AGO2: variants seen among roughly 807,000 people sequenced by gnomAD.
AGO2 encodes argonaute RISC catalytic component 2, also known as protein argonaute-2.
Under a neutral mutation model 102.3 loss-of-function variants are expected in AGO2, and 5 were observed. The observed-to-expected ratio is 0.05, with a 90% CI of 0.03 to 0.10. The LOEUF is 0.10. AGO2 is among the 10% of genes least tolerant of loss of function. The probability of loss-of-function intolerance (pLI) is 1.00; values close to 1 mark genes in which losing one functional copy is unlikely to be tolerated. For synonymous variants in AGO2, 449 were observed against 473.1 expected (o/e 0.95, Z 0.66); for missense variants, 541 against 1,183.7 (o/e 0.46, Z 7.97).
chr8:140,598,980 C>A (rs1277596246), intron 1 of AGO2, among the ~76,000 whole-genome samples: 1 of 152,202 alleles, frequency 6.6e-6, no homozygotes, highest in Non-Finnish European at 1.5e-5. Context: ...CCAAACCCAG[C>A]TCTCCCTCGA....
At chr8:140,552,607 G>T (rs1230450242) in intron 10 of AGO2, among the ~76,000 whole-genome samples, 2 of 152,088 alleles carry the variant, frequency 1.3e-5, no homozygotes, top group Admixed American at 1.3e-4. Context: ...TATAACTACT[G>T]CCTGTTCCCA....
intron 1 of AGO2, among the ~76,000 whole-genome samples, chr8:140,596,824 G>A (rs560001064): frequency 7.0e-4 from 107 of 152,266 alleles, no homozygotes; most frequent in Non-Finnish European, 6.2e-4. Context: ...GGCCGGGGTG[G>A]GGGACGGGCC....
chr8:140,588,432 A>AT, intron 1 of AGO2, among the ~76,000 whole-genome samples: 1 of 152,182 alleles, frequency 6.6e-6, no homozygotes, highest in South Asian at 2.1e-4. Flanking sequence ...TGTGTAAATA[A>AT]TGTACATATC....
In AGO2 at chr8:140,521,844, G is replaced by A. The variant is rs2072420933; in HGVS notation, c.*10200C>T. ...TCTTAGAAAATGTGCCAGAGGAAGA[G>A]GGGGCATGAATGGCTAGAAAAGCAA... On this transcript the variant is annotated 3_prime_UTR_variant, in exon 19 of 19. Transcript: ENST00000220592. 6.6e-6 allele frequency: 1 copy of A among 152,238 alleles called. No individual in the cohort carries two copies. The highest frequency in any genetic ancestry group is 1.5e-5 in the Non-Finnish European group (1 of 68,034). 9.4% of individuals were successfully genotyped at this position (152,238 alleles called of 1,614,324 possible). A position where few individuals can be genotyped will look rare whatever the true frequency, so the allele number is the denominator to read the frequency against.
rs1180106198 is a variant in AGO2 at position 140,526,320 on chromosome 8, T to C, written c.*5724A>G. 1 of 152,194 alleles carries C rather than the reference T, an allele frequency of 6.6e-6. No homozygotes were observed. Among genetic ancestry groups the C allele is most frequent in the African/African-American group, 2.4e-5 (1 of 41,454 alleles). 9.4% of individuals were successfully genotyped at this position (152,194 alleles called of 1,614,324 possible). On this transcript the variant is annotated 3_prime_UTR_variant, in exon 19 of 19. Transcript: ENST00000220592. The surrounding 1 kb of genome is among the most constrained non-coding windows in gnomAD (Gnocchi z 5.2). ...GCAGGACACAGGCTGTTTCAAGATTTTGCCACACCTGCGCAGGCTCCTGCC... is the reference window on the plus strand; with the variant it reads ...GCAGGACACAGGCTGTTTCAAGATTCTGCCACACCTGCGCAGGCTCCTGCC...
intron 1 of AGO2, among the ~76,000 whole-genome samples, chr8:140,595,665 T>TTATA (rs1435554654): frequency 1.5e-5 from 2 of 134,286 alleles, no homozygotes; most frequent in African/African-American, 5.5e-5. Flanking sequence ...GCTATATATA[T>TTATA]TATATATATA....
chr8:140,614,056 C>T lies in AGO2; in HGVS notation c.22+21429G>A, dbSNP rs376133079. On this transcript the variant is annotated intron_variant, in intron 1 of 18. Transcript: ENST00000220592. ...AAAAAAAAAAGGCCAGACACGGTGG[C>T]TCACGCCTGTAATTCCAGCACTTTG... Among the ~76,000 whole-genome samples, 41 of 145,550 alleles carry T rather than the reference C, an allele frequency of 2.8e-4. 1 individual carries two copies. Among genetic ancestry groups the T allele is most frequent in the African/African-American group, 9.9e-4 (39 of 39,390 alleles).
upstream of AGO2, among the ~76,000 whole-genome samples, chr8:140,640,385 C>G (rs1438195254): frequency 6.6e-6 from 1 of 152,030 alleles, no homozygotes; most frequent in Non-Finnish European, 1.5e-5. Context: ...GCATTGATCT[C>G]TGCTTTTTAG....
chr8:140,609,377 C>T (rs2074046189), intron 1 of AGO2, among the ~76,000 whole-genome samples: 1 of 152,230 alleles, frequency 6.6e-6, no homozygotes. Flanking sequence ...ACAGGGGCTC[C>T]AGCCCACGCT....
At chr8:140,587,842 A>G (rs2073682051) in intron 1 of AGO2, among the ~76,000 whole-genome samples, 1 of 152,182 alleles carries the variant, frequency 6.6e-6, no homozygotes, top group Non-Finnish European at 1.5e-5. Flanking sequence ...GAAAGCCCAC[A>G]AGGAGGAGAC....
chr8:140,546,408 G>A (rs2072901552), intron 13 of AGO2, among the ~76,000 whole-genome samples: 1 of 152,204 alleles, frequency 6.6e-6, no homozygotes, highest in Non-Finnish European at 1.5e-5. Flanking sequence ...TAGGACACTC[G>A]GGAACGAGCC....
chr8:140,554,362 C>T (rs1384829185), intron 10 of AGO2, among the ~76,000 whole-genome samples: 1 of 152,096 alleles, frequency 6.6e-6, no homozygotes, highest in Non-Finnish European at 1.5e-5. Context: ...CCATGCCCAC[C>T]ACCAGGGACA....
Position 140,524,996 on chromosome 8 carries a change from C to T in AGO2, c.*7048G>A, listed in dbSNP as rs2072476830. 1 of 152,178 alleles carries T rather than the reference C, an allele frequency of 6.6e-6. No individual in the cohort carries two copies. Among genetic ancestry groups the T allele is most frequent in the Non-Finnish European group, 1.5e-5 (1 of 68,036 alleles). 9.4% of individuals were successfully genotyped at this position (152,178 alleles called of 1,614,324 possible). ...AGCTTTAACTCTGAACTACTTAAAT[C>T]CAAGGAGGTTTTAAATAGGAGATAA... On this transcript the variant is annotated 3_prime_UTR_variant, in exon 19 of 19. Transcript: ENST00000220592.
rs957174123 is a variant in AGO2 at position 140,635,436 on chromosome 8, G to A, written c.22+49C>T. ...CCCGCGCCGGGCCCGCCAACCACGG[G>A]CAGGAGCGCGCGAACGGCCGGGCGG... On this transcript the variant is annotated intron_variant, in intron 1 of 18. Coordinates refer to ENST00000220592, the MANE Select transcript of AGO2 (RefSeq NM_012154.5). 971 of 979,586 alleles carry A rather than the reference G, an allele frequency of 9.9e-4. 2 individuals are homozygous for A. Among genetic ancestry groups the A allele is most frequent in the Non-Finnish European group, 1.1e-3 (903 of 827,264 alleles). The allele number at this position is 979,586 out of a possible 1,614,324, so 60.7% of individuals were successfully genotyped here.
At chr8:140,585,743 G>C (rs1385146385) in intron 1 of AGO2, among the ~76,000 whole-genome samples, 1 of 152,154 alleles carries the variant, frequency 6.6e-6, no homozygotes, top group East Asian at 1.9e-4. Context: ...TATTAGTAAA[G>C]TTCAAAATGT....
rs2072747308 is a variant in AGO2, at chr8:140,539,046, T to C, written c.2169+274A>G. Among the ~76,000 whole-genome samples the C allele has an allele frequency of 1.3e-5, 2 of 152,168 alleles. 1 individual carries two copies. Among genetic ancestry groups the C allele is most frequent in the Admixed American group, 1.3e-4 (2 of 15,282 alleles). Reference sequence around the variant, plus strand: ...TGAGCCCAGGAGATAGAGGCTGCAGTAAGCTATGATCGCACCACTGCACTC... The same window carrying C: ...TGAGCCCAGGAGATAGAGGCTGCAGCAAGCTATGATCGCACCACTGCACTC... On this transcript the variant is annotated intron_variant, in intron 16 of 18. Coordinates refer to ENST00000220592, the MANE Select transcript of AGO2 (RefSeq NM_012154.5). The surrounding 1 kb of genome is among the most constrained non-coding windows in gnomAD (Gnocchi z 4.7).
At chr8:140,564,349 A>C (rs1293393270) in intron 3 of AGO2, among the ~76,000 whole-genome samples, 2 of 147,818 alleles carry the variant, frequency 1.4e-5, no homozygotes, top group Non-Finnish European at 3.0e-5. Context: ...GGGTGGGAGG[A>C]GGGAACAGCT....
At chr8:140,561,128 G>A (rs993209247) in intron 4 of AGO2, among the ~76,000 whole-genome samples, 1 of 152,276 alleles carries the variant, frequency 6.6e-6, no homozygotes, top group Non-Finnish European at 1.5e-5. Context: ...TAGGGATGCT[G>A]CGCTGACCCG....
At chr8:140,583,972 C>T (rs577562043) in intron 2 of AGO2, among the ~76,000 whole-genome samples, 9 of 152,288 alleles carry the variant, frequency 5.9e-5, no homozygotes, top group East Asian at 1.9e-4. Flanking sequence ...TTTGGGACCA[C>T]GGTGGTATAT....
Sources: allele counts gnomAD v4.1 joint callset (sites outside exome capture counted in the v4.1 genomes callset), GRCh38; gene constraint gnomAD v4.1.1; non-coding constraint Gnocchi (gnomAD v3.1); transcripts MANE v1.5; gene names NCBI Gene and HGNC (gene_info 2026-07-23, HGNC 2026-07-21).